The following LNX1 variants were observed in gnomAD, a reference collection of about 807,000 sequenced individuals.
LNX1 encodes ligand of numb-protein X 1.
A neutral mutation model predicts 68.4 loss-of-function variants in LNX1; 54 were observed. The ratio of observed to expected loss-of-function variants is 0.79; its 90% CI spans 0.63 to 0.99. The LOEUF is 0.99. Among genes scored for constraint, LNX1 ranks in the 50% least tolerant of loss-of-function variants. The pLI, the probability that LNX1 is intolerant of heterozygous loss-of-function variation, is 0.00. For missense variants in LNX1, 906 were observed against 926.4 expected, an observed-to-expected ratio of 0.98 and a Z score of 0.29; for synonymous variants, 336 against 350.0, an observed-to-expected ratio of 0.96 and a Z score of 0.45.
intron 2 of LNX1, among the ~76,000 whole-genome samples, chr4:53,562,931 C>G (rs1183291634): frequency 6.6e-6 from 1 of 152,096 alleles, no homozygotes; most frequent in African/African-American, 2.4e-5. Context: ...AAAATTTGGG[C>G]CTGGCACAAT....
intron 1 of LNX1, among the ~76,000 whole-genome samples, chr4:53,616,864 C>CT (rs1457789286): frequency 3.9e-5 from 6 of 152,144 alleles, no homozygotes; most frequent in African/African-American, 1.4e-4. Context: ...AACACCCTGG[C>CT]TTGAAATGTA....
At chr4:53,468,944 T>C (rs1455303735) in intron 9 of LNX1, among the ~76,000 whole-genome samples, 3 of 152,192 alleles carry the variant, frequency 2.0e-5, no homozygotes. Context: ...CACAGAAAGT[T>C]AACAAGGATA....
chr4:53,461,298 A>C lies in LNX1; in HGVS notation c.2051+137T>G, dbSNP rs2150548025. 3 of 749,590 alleles carry C rather than the reference A, an allele frequency of 4.0e-6. No homozygotes were observed. In the South Asian group the frequency reaches 6.1e-5, roughly 15 times the overall value. 46.4% of individuals were successfully genotyped at this position (749,590 alleles called of 1,614,324 possible). On this transcript the variant is annotated intron_variant, in intron 10 of 10. Coordinates refer to ENST00000263925, the MANE Select transcript of LNX1 (RefSeq NM_001126328.3). The stretch of plus-strand genomic sequence containing the variant: ...TATGTGTAATTATTTTGGATTTCTC[A>C]GAAGTTGAATGCTACGTACATACTT...
intron 1 of LNX1, among the ~76,000 whole-genome samples, chr4:53,646,637 G>T (rs562492455): frequency 6.6e-6 from 1 of 152,284 alleles, no homozygotes; most frequent in South Asian, 2.1e-4. Context: ...ATTTTTATAT[G>T]AAATCTCCTG....
intron 2 of LNX1, among the ~76,000 whole-genome samples, chr4:53,532,355 G>C (rs959087500): frequency 6.6e-6 from 1 of 152,046 alleles, no homozygotes; most frequent in East Asian, 1.9e-4. Context: ...ACGCACTGTA[G>C]CCCCGGCTAC....
At chr4:53,506,708 T>C (rs1293154035) in intron 4 of LNX1, among the ~76,000 whole-genome samples, 1 of 151,232 alleles carries the variant, frequency 6.6e-6, no homozygotes. Context: ...ATACAAAAAA[T>C]AGCTGGTTGT....
intron 1 of LNX1, among the ~76,000 whole-genome samples, chr4:53,641,869 T>A (rs540671415): frequency 6.6e-6 from 1 of 152,356 alleles, no homozygotes; most frequent in East Asian, 1.9e-4. Context: ...CATTCCTTTT[T>A]TTCTGCTTAG....
chr4:53,482,310 A>G (rs548787071), intron 6 of LNX1, among the ~76,000 whole-genome samples: 17 of 152,302 alleles, frequency 1.1e-4, no homozygotes, highest in African/African-American at 3.8e-4. Flanking sequence ...AGGAAGAGAA[A>G]TCCTGAGCCT....
At chr4:53,595,518 C>T (rs1199457836), upstream of LNX1, among the ~76,000 whole-genome samples, 5 of 152,192 alleles carry the variant, frequency 3.3e-5, no homozygotes, top group South Asian at 2.1e-4. Flanking sequence ...TATGCCATTT[C>T]GGCAACCACA....
At chr4:53,543,648 T>A (rs1249878070) in intron 2 of LNX1, among the ~76,000 whole-genome samples, 1 of 152,324 alleles carries the variant, frequency 6.6e-6, no homozygotes, top group East Asian at 1.9e-4. Flanking sequence ...AAGGAAAATC[T>A]GTTTCTGTAA....
intron 2 of LNX1, among the ~76,000 whole-genome samples, chr4:53,543,908 C>CA (rs5858223): frequency 6.6e-6 from 1 of 151,958 alleles, no homozygotes; most frequent in Admixed American, 6.5e-5. Context: ...CAAAAACAAA[C>CA]AAAAAAACAA....
intron 1 of LNX1, chr4:53,576,014 C>A: frequency 6.4e-7 from 1 of 1,570,048 alleles, no homozygotes; most frequent in Non-Finnish European, 8.6e-7. Context: ...CATCTTCCCC[C>A]CACCAGCCTG....
chr4:53,567,565 C>T (rs542614799), intron 2 of LNX1, among the ~76,000 whole-genome samples: 16 of 152,202 alleles, frequency 1.1e-4, no homozygotes, highest in Admixed American at 1.0e-3. Flanking sequence ...AATTGACACC[C>T]TAACATCACA....
At chr4:53,500,602 G>C (rs1725403037) in intron 4 of LNX1, 1 of 152,150 alleles carries the variant, frequency 6.6e-6, no homozygotes, top group Non-Finnish European at 1.5e-5. Flanking sequence ...TTATTTCTAA[G>C]TATGTTAGGG....
At chr4:53,479,711 A>G (rs751943989) in intron 7 of LNX1, among the ~76,000 whole-genome samples, 6 of 152,254 alleles carry the variant, frequency 3.9e-5, no homozygotes, top group Non-Finnish European at 8.8e-5. Flanking sequence ...GTTTAAAAAC[A>G]TAATTTATGG....
At chr4:53,608,462 G>A (rs1286157362) in intron 2 of LNX1, among the ~76,000 whole-genome samples, 5 of 152,032 alleles carry the variant, frequency 3.3e-5, no homozygotes, top group Admixed American at 2.6e-4. Flanking sequence ...GTCAAAAATA[G>A]CAGAAGCTGG....
rs1166174664 is a variant in LNX1 at position 53,496,112 on chromosome 4, C to G, written c.1261G>C (p.Gly421Arg). 1.2e-6 allele frequency: 2 copies of G among 1,614,152 alleles called. No homozygotes were observed. The highest frequency in any genetic ancestry group is 1.7e-6 in the Non-Finnish European group (2 of 1,180,014). The change falls in exon 6 of 11, where the codon GGT becomes CGT. Residue 421 changes from glycine (G) to arginine (R), a missense_variant. Coordinates refer to ENST00000263925, the MANE Select transcript of LNX1 (RefSeq NM_001126328.3). ...ACACGGTCATTCTCCTCAAGCTGACCATGTCGATATGCCACACCGCCATCC... is the reference window on the plus strand; with the variant it reads ...ACACGGTCATTCTCCTCAAGCTGACGATGTCGATATGCCACACCGCCATCC... ...VLDGGVAYRHGQLEENDRVLA... is the reference protein window; with the variant it reads ...VLDGGVAYRHRQLEENDRVLA...
intron 1 of LNX1, among the ~76,000 whole-genome samples, chr4:53,585,225 T>C (rs1425331817): frequency 6.6e-6 from 1 of 152,216 alleles, no homozygotes; most frequent in African/African-American, 2.4e-5. Context: ...TCTCACACTG[T>C]TGACTGGAAG....
intron 2 of LNX1, among the ~76,000 whole-genome samples, chr4:53,521,419 C>A (rs747972504): frequency 8.5e-5 from 13 of 152,170 alleles, no homozygotes; most frequent in Admixed American, 8.5e-4. Flanking sequence ...CGAGTTTGCC[C>A]AAGCCCCTTC....
Sources: gnomAD v4.1 joint callset for allele counts (sites outside exome capture counted in the v4.1 genomes callset) on GRCh38, gnomAD v4.1.1 for gene constraint, MANE v1.5 for transcripts, NCBI Gene and HGNC (gene_info 2026-07-23, HGNC 2026-07-21) for gene names.